COL5A1: variants seen among roughly 807,000 people sequenced by gnomAD.
COL5A1 encodes the protein collagen type V alpha 1 chain.
Under a neutral mutation model 263.7 loss-of-function variants are expected in COL5A1, and 16 were observed. The observed-to-expected ratio is 0.06, with a 90% CI of 0.04 to 0.09. COL5A1 has a LOEUF of 0.09. Ranked by LOEUF, COL5A1 falls within the 10% of genes least tolerant of loss-of-function variation. The pLI, the probability that COL5A1 is intolerant of heterozygous loss-of-function variation, is 1.00. For missense variants in COL5A1, 2,036 were observed against 2,540.5 expected (o/e 0.80, Z 4.27); for synonymous variants, 1,012 against 1,004.5 (o/e 1.01, Z -0.14).
At chr9:134,654,799 G>T (rs1310942225) in intron 1 of COL5A1, among the ~76,000 whole-genome samples, 3 of 139,784 alleles carry the variant, frequency 2.1e-5, no homozygotes, top group Admixed American at 7.1e-5. Context: ...TGTAGACCTC[G>T]TGTGTGTTTA....
chr9:134,817,079 G>T lies in COL5A1; in HGVS notation c.4176G>T (p.Arg1392Ser). 1 of 1,613,328 alleles carries T rather than the reference G, an allele frequency of 6.2e-7. No individual in the cohort carries two copies. Among genetic ancestry groups the T allele is most frequent in the East Asian group, 2.2e-5 (1 of 44,878 alleles). The change falls in exon 53 of 66, where the codon AGG becomes AGT. Residue 1392 changes from arginine (R) to serine (S), a missense_variant and splice_region_variant. Arg to Ser is a moderately radical substitution (Grantham distance 110). This residue lies in a region of COL5A1 where 1,078 missense variants were observed against 1,521.4 expected (regional missense o/e 0.71). Transcript: ENST00000371817. Reference sequence around the variant, plus strand: ...GTCCATCGGGGCCTCCAGGAAAAAGGGTAAATAATCCTGCAGGCACATCCT... The same window carrying T: ...GTCCATCGGGGCCTCCAGGAAAAAGTGTAAATAATCCTGCAGGCACATCCT... ...EPGPSGPPGK[R>S]GPPGPAGPEG...
rs1244247755 is a variant in COL5A1, at chr9:134,755,953, G to A, written c.1828-812G>A. On this transcript the variant is annotated intron_variant, in intron 16 of 65. Coordinates refer to ENST00000371817, the MANE Select transcript of COL5A1 (RefSeq NM_000093.5). This position sits in a 1 kb window ranked among gnomAD's most constrained non-coding sequence, Gnocchi z 4.1. The stretch of plus-strand genomic sequence containing the variant: ...AGCCCCTGGAAAATGGAAGTGCAGG[G>A]TGGCAGCCCTCTATACTCGCTGGCT... 6.6e-6 allele frequency among the ~76,000 whole-genome samples: 1 copy of A among 152,132 alleles called. No individual in the cohort carries two copies. Among genetic ancestry groups the A allele is most frequent in the East Asian group, 1.9e-4 (1 of 5,172 alleles).
Position 134,811,279 on chromosome 9 carries a change from C to G in COL5A1, c.3529-60C>G, listed in dbSNP as rs73664147. The G allele has an allele frequency of 0.091, 138,758 of 1,517,122 alleles. 6,916 individuals are homozygous for G. Among genetic ancestry groups the G allele is most frequent in the African/African-American group, 0.18 (13,097 of 73,066 alleles). The allele number at this position is 1,517,122 out of a possible 1,614,324, so 94.0% of individuals were successfully genotyped here. A position where few individuals can be genotyped will look rare whatever the true frequency, so the allele number is the denominator to read the frequency against. ...CCCGGGCTCAGGATGCGGTCCACCC[C>G]TCCCTCAGCCTTATCCACGATCCAA... On this transcript the variant is annotated intron_variant, in intron 44 of 65. Coordinates refer to ENST00000371817, the MANE Select transcript of COL5A1 (RefSeq NM_000093.5).
In COL5A1 at chr9:134,744,693, A is replaced by G. The variant is rs940113794; in HGVS notation, c.1495-5849A>G. 1.1e-4 allele frequency among the ~76,000 whole-genome samples: 16 copies of G among 150,998 alleles called. 1 individual carries two copies. The highest frequency in any genetic ancestry group is 3.9e-4 in the African/African-American group (16 of 40,792). On this transcript the variant is annotated intron_variant, in intron 11 of 65. Transcript: ENST00000371817. ...TGCACACACATTCACACATGCATGC[A>G]CACACCCATACATGCTCTCACACAG... is the stretch of plus-strand genomic sequence containing the variant.
In COL5A1 at chr9:134,748,888, A is replaced by G. The variant is rs28652583; in HGVS notation, c.1495-1654A>G. On this transcript the variant is annotated intron_variant, in intron 11 of 65. Transcript: ENST00000371817. The stretch of plus-strand genomic sequence containing the variant: ...GCAACAGATGTTGCCAAGGATATCT[A>G]CAGAGACAGGCCATGATTTCAAGAG... Among the ~76,000 whole-genome samples the G allele has an allele frequency of 8.1e-3, 1,236 of 152,332 alleles. 21 individuals are homozygous for G. Among genetic ancestry groups the G allele is most frequent in the African/African-American group, 0.028 (1,178 of 41,588 alleles).
At position 134,842,327 on chromosome 9, in the gene COL5A1, A is replaced by G; in HGVS notation, c.*24A>G. 6.2e-7 allele frequency: 1 copy of G among 1,613,656 alleles called. No homozygotes were observed. Among genetic ancestry groups the G allele is most frequent in the Non-Finnish European group, 8.5e-7 (1 of 1,179,880 alleles). On this transcript the variant is annotated 3_prime_UTR_variant, in exon 66 of 66. Coordinates refer to ENST00000371817, the MANE Select transcript of COL5A1 (RefSeq NM_000093.5). The surrounding 1 kb of genome is among the most constrained non-coding windows in gnomAD (Gnocchi z 5.8). ...AGGAGCCGCCGAGCCCGGGCTCCCG[A>G]GAGCAACCTCGTGACCTCAGCATGC...
chr9:134,842,886 A>G lies in COL5A1; in HGVS notation c.*583A>G, dbSNP rs1830146085. The G allele has an allele frequency of 6.1e-6, 1 of 163,276 alleles. No individual in the cohort carries two copies. Among genetic ancestry groups the G allele is most frequent in the Non-Finnish European group, 1.3e-5 (1 of 74,818 alleles). The allele number at this position is 163,276 out of a possible 1,614,324, so 10.1% of individuals were successfully genotyped here. ...TTATGTTTTTGTGAGTTTTAAGTAAATATTTGTATTGTATTGTTATAAATG... is the reference window on the plus strand; with the variant it reads ...TTATGTTTTTGTGAGTTTTAAGTAAGTATTTGTATTGTATTGTTATAAATG... On this transcript the variant is annotated 3_prime_UTR_variant, in exon 66 of 66. Transcript: ENST00000371817. This position sits in a 1 kb window ranked among gnomAD's most constrained non-coding sequence, Gnocchi z 5.8.
chr9:134,774,655 T>C (rs913550605), intron 26 of COL5A1, among the ~76,000 whole-genome samples: 5 of 152,226 alleles, frequency 3.3e-5, no homozygotes, highest in African/African-American at 1.2e-4. Flanking sequence ...CCGCTCAGCA[T>C]GAGACACAGC....
At chr9:134,777,242 T>A (rs1480413461) in intron 27 of COL5A1, among the ~76,000 whole-genome samples, 3 of 152,212 alleles carry the variant, frequency 2.0e-5, no homozygotes, top group Admixed American at 2.0e-4. Context: ...TGAGTTCACA[T>A]CCAGGCCTTG....
chr9:134,652,663 G>T lies in COL5A1; in HGVS notation c.109+10367G>T, dbSNP rs1831734287. The T allele has an allele frequency of 2.1e-6, 1 of 470,660 alleles. No individual in the cohort carries two copies. Among genetic ancestry groups the T allele is most frequent in the African/African-American group, 2.0e-5 (1 of 50,090 alleles). The allele number at this position is 470,660 out of a possible 1,614,324, so 29.2% of individuals were successfully genotyped here. A position where few individuals can be genotyped will look rare whatever the true frequency, so the allele number is the denominator to read the frequency against. On this transcript the variant is annotated intron_variant, in intron 1 of 65. Transcript: ENST00000371817. This position sits in a 1 kb window ranked among gnomAD's most constrained non-coding sequence, Gnocchi z 4.4. ...GACTGACCCAGCCCGGAGGCTGCAG[G>T]AATCGTGGGATAGAGGAAGCAAAGG... is the stretch of plus-strand genomic sequence containing the variant.
intron 4 of COL5A1, chr9:134,708,923 G>A (rs2132590900): frequency 8.8e-6 from 4 of 456,656 alleles, no homozygotes; most frequent in African/African-American, 2.0e-5. Flanking sequence ...TTGGCTTGTG[G>A]CCACGTCGCC....
chr9:134,798,493 G>C (rs372550171), intron 37 of COL5A1, 32 bp downstream of exon 37: 2 of 1,610,608 alleles, frequency 1.2e-6, no homozygotes, highest in African/African-American at 2.7e-5. Context: ...GGACGTGGCT[G>C]GCTGGCTCTC....
intron 19 of COL5A1, among the ~76,000 whole-genome samples, chr9:134,762,728 C>T (rs1836503741): frequency 6.6e-6 from 1 of 152,144 alleles, no homozygotes; most frequent in African/African-American, 2.4e-5. Flanking sequence ...GGAGCAGCTC[C>T]AGGGGCATTT....
chr9:134,750,419 A>C, intron 11 of COL5A1, 123 bp from the exon 12 acceptor site: 1 of 862,274 alleles, frequency 1.2e-6, no homozygotes, highest in South Asian at 1.4e-5. Context: ...GGGGTCTCAC[A>C]GCTTCTGTGC....
At chr9:134,759,777 TCATA>T in intron 18 of COL5A1, among the ~76,000 whole-genome samples, 1 of 62,620 alleles carries the variant, frequency 1.6e-5, no homozygotes, top group Non-Finnish European at 2.9e-5. Flanking sequence ...ACCCCCACAC[TCATA>T]CACACATGCA....
chr9:134,748,319 A>T (rs552421196), intron 11 of COL5A1, among the ~76,000 whole-genome samples: 2 of 152,122 alleles, frequency 1.3e-5, no homozygotes, highest in East Asian at 1.9e-4. Context: ...TGATAGTCAC[A>T]TACATGCACA....
At chr9:134,661,682 C>T (rs549518747) in intron 1 of COL5A1, among the ~76,000 whole-genome samples, 1 of 151,890 alleles carries the variant, frequency 6.6e-6, no homozygotes, top group East Asian at 1.9e-4. Flanking sequence ...TGAGAGTTTT[C>T]CCAGATGTCA....
intron 11 of COL5A1, among the ~76,000 whole-genome samples, chr9:134,747,794 T>TGC (rs1835591054): frequency 3.9e-5 from 5 of 126,780 alleles, no homozygotes; most frequent in African/African-American, 1.5e-4. Context: ...CATGCATTCA[T>TGC]ACACACATGC....
rs1250776729 is a variant in COL5A1 at position 134,811,513 on chromosome 9, C to A, written c.3604C>A (p.Pro1202Thr). The A allele has an allele frequency of 6.2e-7, 1 of 1,611,036 alleles. No individual in the cohort carries two copies. Among genetic ancestry groups the A allele is most frequent in the South Asian group, 1.1e-5 (1 of 90,844 alleles). The change falls in exon 46 of 66, where the codon CCT becomes ACT. Residue 1202 changes from proline to threonine, a missense_variant. This residue lies in a region of COL5A1 where 1,078 missense variants were observed against 1,521.4 expected (regional missense o/e 0.71). Transcript: ENST00000371817. ...GPSGADGEPG[P>T]RGQQGLFGQK... ...GCAGGGAGCTGACGGCGAGCCGGGG[C>A]CTCGGGGCCAGCAGGGCCTTTTCGG...
Sources: allele counts gnomAD v4.1 joint callset (sites outside exome capture counted in the v4.1 genomes callset), GRCh38; gene constraint gnomAD v4.1.1; regional missense constraint gnomAD v4.1.1; non-coding constraint Gnocchi (gnomAD v3.1); transcripts MANE v1.5; gene names NCBI Gene and HGNC (gene_info 2026-07-23, HGNC 2026-07-21).